The following ERCC6L2 variants were observed in gnomAD, a reference collection of about 807,000 sequenced individuals.
The protein encoded by ERCC6L2 is ERCC excision repair 6 like 2.
In ERCC6L2, 77 loss-of-function variants were observed where a neutral mutation model predicts 132.0. The ratio of observed to expected loss-of-function variants is 0.58; its 90% confidence interval spans 0.49 to 0.71. The LOEUF is 0.71. Ranked by LOEUF, ERCC6L2 falls within the 30% of genes least tolerant of loss-of-function variation. The probability of loss-of-function intolerance (pLI) is 0.00; values close to 1 mark genes in which losing one functional copy is unlikely to be tolerated. For missense variants in ERCC6L2, 1,542 were observed against 1,837.6 expected (o/e 0.84, Z 2.94); for synonymous variants, 583 against 632.4 (o/e 0.92, Z 1.17).
intron 3 of ERCC6L2, among the ~76,000 whole-genome samples, chr9:95,899,630 G>GTATGTA (rs1828663867): frequency 7.4e-6 from 1 of 135,564 alleles, no homozygotes; most frequent in African/African-American, 2.7e-5. Context: ...GTGTGTGTGT[G>GTATGTA]TGCGTATGTA....
chr9:95,949,247 C>T (rs1027838683), intron 12 of ERCC6L2, among the ~76,000 whole-genome samples: 3 of 151,862 alleles, frequency 2.0e-5, no homozygotes, highest in South Asian at 2.1e-4. Flanking sequence ...CCAATATGTA[C>T]GTTATGGAGG....
At chr9:95,990,063 T>G (rs948991133) in intron 17 of ERCC6L2, among the ~76,000 whole-genome samples, 1 of 152,198 alleles carries the variant, frequency 6.6e-6, no homozygotes, top group Admixed American at 6.5e-5. Flanking sequence ...GAAGGGCCTT[T>G]CATTTAGGGC....
chr9:95,902,775 C>G (rs1164104832), intron 3 of ERCC6L2, among the ~76,000 whole-genome samples: 1 of 152,042 alleles, frequency 6.6e-6, no homozygotes, highest in African/African-American at 2.4e-5. Context: ...CTTTGATTTA[C>G]ATTTCTTAAT....
chr9:95,939,385 C>T (rs187814074), intron 11 of ERCC6L2, among the ~76,000 whole-genome samples: 13 of 151,394 alleles, frequency 8.6e-5, no homozygotes, highest in Non-Finnish European at 1.5e-4. Context: ...AATGTCTTAT[C>T]TCCTTTCCCT....
chr9:95,882,382 G>A (rs1024983379), intron 2 of ERCC6L2, among the ~76,000 whole-genome samples: 1 of 152,166 alleles, frequency 6.6e-6, no homozygotes, highest in African/African-American at 2.4e-5. Context: ...GCCTGCTACA[G>A]GGTCTTTAGC....
chr9:96,003,970 G>GT (rs1205662729), intron 17 of ERCC6L2, among the ~76,000 whole-genome samples: 1 of 152,192 alleles, frequency 6.6e-6, no homozygotes, highest in Non-Finnish European at 1.5e-5. Context: ...TGTAAAAGGA[G>GT]TATGATTCCA....
At chr9:95,933,337 C>G (rs912455067) in intron 11 of ERCC6L2, among the ~76,000 whole-genome samples, 2 of 152,130 alleles carry the variant, frequency 1.3e-5, no homozygotes, top group East Asian at 3.9e-4. Flanking sequence ...TCATTCTTTT[C>G]TTAGAGTTCA....
chr9:95,892,766 A>G (rs1279366791), intron 2 of ERCC6L2, among the ~76,000 whole-genome samples: 2 of 152,036 alleles, frequency 1.3e-5, no homozygotes, highest in Non-Finnish European at 2.9e-5. Flanking sequence ...ACCTTCATAT[A>G]TTTTGAAGCT....
intron 2 of ERCC6L2, among the ~76,000 whole-genome samples, chr9:95,881,957 G>A (rs1032942100): frequency 6.6e-6 from 1 of 152,186 alleles, no homozygotes; most frequent in Non-Finnish European, 1.5e-5. Context: ...TGGTCCTGTA[G>A]CTTTGCCTCT....
chr9:95,914,694 A>G (rs1829498498), intron 4 of ERCC6L2, among the ~76,000 whole-genome samples: 1 of 152,196 alleles, frequency 6.6e-6, no homozygotes, highest in African/African-American at 2.4e-5. Context: ...CAAGTCCTGT[A>G]TCAGATTATG....
intron 11 of ERCC6L2, among the ~76,000 whole-genome samples, chr9:95,930,183 G>T (rs1460721609): frequency 6.6e-6 from 1 of 151,852 alleles, no homozygotes; most frequent in African/African-American, 2.4e-5. Context: ...TCTTCAATGG[G>T]ATTTTTTTCC....
At chr9:95,991,740 A>G (rs1833309900) in intron 17 of ERCC6L2, among the ~76,000 whole-genome samples, 1 of 152,242 alleles carries the variant, frequency 6.6e-6, no homozygotes, top group South Asian at 2.1e-4. Flanking sequence ...ACGTGGTATA[A>G]TTAAATGTGT....
intron 1 of ERCC6L2, among the ~76,000 whole-genome samples, chr9:95,877,970 A>G (rs996114086): frequency 3.3e-5 from 5 of 152,226 alleles, no homozygotes; most frequent in African/African-American, 9.6e-5. Flanking sequence ...ACCAGTGGAC[A>G]TGATAATTAA....
intron 2 of ERCC6L2, among the ~76,000 whole-genome samples, chr9:95,893,116 A>G (rs897523267): frequency 6.6e-6 from 1 of 152,172 alleles, no homozygotes; most frequent in Non-Finnish European, 1.5e-5. Context: ...AACTTCTTGC[A>G]ATGTACCTAA....
Position 95,916,383 on chromosome 9 carries a change from C to T in ERCC6L2, c.1107C>T (p.Leu369=), listed in dbSNP as rs755709733. The change falls in exon 6 of 19, where the codon CTC becomes CTT. Residue 369 remains leucine, a synonymous_variant. Coordinates refer to ENST00000653738, the MANE Select transcript of ERCC6L2 (RefSeq NM_020207.7). ...RLAKKMSGWF[L]RRTKTLIKDQ... Reference sequence around the variant, plus strand: ...CCAAAAAGATGTCTGGCTGGTTTCTCAGGCGCACCAAGACTCTTATCAAGG... The same window carrying T: ...CCAAAAAGATGTCTGGCTGGTTTCTTAGGCGCACCAAGACTCTTATCAAGG... 1.7e-5 allele frequency: 28 copies of T among 1,608,416 alleles called. No individual in the cohort carries two copies. The Middle Eastern group carries it at 5.2e-4, about 30-fold the overall frequency.
chr9:95,937,236 A>G (rs1830598430), intron 11 of ERCC6L2, among the ~76,000 whole-genome samples: 1 of 152,180 alleles, frequency 6.6e-6, no homozygotes, highest in Non-Finnish European at 1.5e-5. Flanking sequence ...TACATTCCCC[A>G]CAGCAGTGTG....
chr9:96,012,798 C>G lies in ERCC6L2; in HGVS notation c.4248C>G (p.Pro1416=), dbSNP rs753015440. 2.9e-6 allele frequency: 4 copies of G among 1,367,528 alleles called. No homozygotes were observed. Among genetic ancestry groups the G allele is most frequent in the South Asian group, 1.1e-5 (1 of 88,034 alleles). The allele number at this position is 1,367,528 out of a possible 1,614,324, so 84.7% of individuals were successfully genotyped here. Residue 1416 remains proline, a synonymous_variant, in exon 19 of 19, where the codon CCC becomes CCG. Transcript: ENST00000653738. Reference sequence around the variant, plus strand: ...GAACGGGCATTTCAAGAAAAGAACCCCTTCTCAAATTGGAAAACAAAAAGA... The same window carrying G: ...GAACGGGCATTTCAAGAAAAGAACCGCTTCTCAAATTGGAAAACAAAAAGA... ...LTRTGISRKE[P]LLKLENKKIE...
At chr9:95,944,781 G>T (rs1830972445) in intron 12 of ERCC6L2, among the ~76,000 whole-genome samples, 2 of 152,076 alleles carry the variant, frequency 1.3e-5, no homozygotes, top group African/African-American at 4.8e-5. Context: ...TCACATGTCG[G>T]CAGGTTCCGT....
intron 4 of ERCC6L2, among the ~76,000 whole-genome samples, chr9:95,909,470 TC>T (rs1473198838): frequency 1.3e-5 from 2 of 152,128 alleles, no homozygotes; most frequent in Non-Finnish European, 2.9e-5. Context: ...TCCTCAACCC[TC>T]ACCTTGGGCA....
Sources: gnomAD v4.1 joint callset for allele counts (sites outside exome capture counted in the v4.1 genomes callset) on GRCh38, gnomAD v4.1.1 for gene constraint, MANE v1.5 for transcripts, NCBI Gene and HGNC (gene_info 2026-07-23, HGNC 2026-07-21) for gene names.